ZNF841: variants seen among roughly 807,000 people sequenced by gnomAD.
The protein encoded by ZNF841 is TCONS_00006091.
In ZNF841, 11 loss-of-function variants were observed where a neutral mutation model predicts 13.0. The ratio of observed to expected loss-of-function variants is 0.85; its 90% CI spans 0.53 to 1.40. The LOEUF (loss-of-function observed/expected upper bound fraction) is 1.40. ZNF841 is among the 40% of genes most tolerant of loss of function. The pLI, the probability that ZNF841 is intolerant of heterozygous loss-of-function variation, is 0.00. For missense variants in ZNF841, 1,068 were observed against 1,139.5 expected (o/e 0.94, Z 0.90); for synonymous variants, 369 against 381.6 (o/e 0.97, Z 0.38).
In ZNF841 at chr19:52,066,830, C is replaced by T; in HGVS notation, c.1052G>A (p.Gly351Asp). ...GTGGGAACTTTTACTAAAGGACTTG[C>T]CACATTCATTACATATGTAGGGTTT... Reference protein sequence around the residue: ...GDKPYICNECGKSFSKSSHLA... With the variant: ...GDKPYICNECDKSFSKSSHLA... The change falls in exon 7 of 7, where the codon GGC becomes GAC. Residue 351 changes from glycine to aspartate, a missense_variant. By Grantham distance (94) the Gly-to-Asp change is moderately conservative (BLOSUM62 -1). Coordinates refer to ENST00000594440, the MANE Select transcript of ZNF841 (RefSeq NM_001136499.2). The T allele has an allele frequency of 1.2e-6, 2 of 1,614,116 alleles. No individual in the cohort carries two copies. The highest frequency in any genetic ancestry group is 2.2e-5 in the South Asian group (2 of 91,070).
At chr19:52,085,878 T>C (rs1014311010) in intron 3 of ZNF841, among the ~76,000 whole-genome samples, 2 of 152,240 alleles carry the variant, frequency 1.3e-5, no homozygotes, top group Admixed American at 6.5e-5. Flanking sequence ...CCTCACCCTT[T>C]TTAAGTAAAC....
chr19:52,095,764 G>A lies in ZNF841; in HGVS notation c.-459C>T. 1 of 152,666 alleles carries A rather than the reference G, an allele frequency of 6.6e-6. No individual in the cohort carries two copies. Among genetic ancestry groups the A allele is most frequent in the Non-Finnish European group, 1.5e-5 (1 of 68,310 alleles). The allele number at this position is 152,666 out of a possible 1,614,324, so 9.5% of individuals were successfully genotyped here. On this transcript the variant is annotated 5_prime_UTR_variant, in exon 1 of 7. Coordinates refer to ENST00000594440, the MANE Select transcript of ZNF841 (RefSeq NM_001136499.2). ...TCCCCAGCGCGATCTGCTTCCGGGT[G>A]TGCAGGAAACTGGGCGCGGAAAGAA...
chr19:52,090,833 G>A (rs1284224064), intron 2 of ZNF841, among the ~76,000 whole-genome samples: 1 of 152,072 alleles, frequency 6.6e-6, no homozygotes, highest in African/African-American at 2.4e-5. Flanking sequence ...TGCAGGATGT[G>A]GGCAAACTCA....
chr19:52,086,404 C>T (rs886711797), intron 3 of ZNF841, among the ~76,000 whole-genome samples: 17 of 152,118 alleles, frequency 1.1e-4, no homozygotes, highest in East Asian at 3.9e-4. Flanking sequence ...CTCCTGCTCC[C>T]GCCATGTGAG....
At chr19:52,092,093 G>C (rs1033708715) in intron 2 of ZNF841, among the ~76,000 whole-genome samples, 8 of 142,974 alleles carry the variant, frequency 5.6e-5, no homozygotes, top group African/African-American at 2.0e-4. Context: ...AGTGAACTGA[G>C]ATTGAGCCAC....
intron 2 of ZNF841, among the ~76,000 whole-genome samples, chr19:52,091,233 G>A (rs74723134): frequency 0.02 from 3,072 of 152,210 alleles, 92 homozygotes; most frequent in African/African-American, 0.07. Context: ...TTCATAGATT[G>A]TAAGAATATT....
intron 6 of ZNF841, among the ~76,000 whole-genome samples, chr19:52,069,510 C>G (rs1179399098): frequency 6.6e-6 from 1 of 152,256 alleles, no homozygotes; most frequent in African/African-American, 2.4e-5. Context: ...CTTACAGATA[C>G]AATGTAGACT....
intron 6 of ZNF841, among the ~76,000 whole-genome samples, chr19:52,075,817 T>C (rs922887897): frequency 6.6e-6 from 1 of 152,148 alleles, no homozygotes; most frequent in African/African-American, 2.4e-5. Flanking sequence ...GACACTGTGG[T>C]CCATCATAAC....
intron 6 of ZNF841, among the ~76,000 whole-genome samples, chr19:52,068,931 C>A (rs1568537755): frequency 6.6e-6 from 1 of 152,148 alleles, no homozygotes; most frequent in Non-Finnish European, 1.5e-5. Context: ...AAGATCACGA[C>A]ACTGCACTTC....
chr19:52,094,983 C>T (rs933844737), intron 1 of ZNF841, among the ~76,000 whole-genome samples: 1 of 152,166 alleles, frequency 6.6e-6, no homozygotes, highest in Non-Finnish European at 1.5e-5. Flanking sequence ...GGGTCTCCCT[C>T]ATTCTTTTCT....
downstream of ZNF841, among the ~76,000 whole-genome samples, chr19:52,062,496 G>C (rs1407067503): frequency 6.6e-6 from 1 of 152,056 alleles, no homozygotes; most frequent in Admixed American, 6.6e-5. Context: ...ACAGTACAGT[G>C]ACCTTAATCT....
rs1037189156 is a variant in ZNF841, at chr19:52,095,693, C to T, written c.-388G>A. ...ATCAAGGTAGACGAAGAGAAGCAAA[C>T]GTTTAATCCAGGTAGACTGAAACAC... On this transcript the variant is annotated 5_prime_UTR_variant, in exon 1 of 7. Transcript: ENST00000594440. The T allele has an allele frequency of 6.6e-6, 1 of 152,256 alleles. No homozygotes were observed. Among genetic ancestry groups the T allele is most frequent in the South Asian group, 2.1e-4 (1 of 4,826 alleles). 9.4% of individuals were successfully genotyped at this position (152,256 alleles called of 1,614,324 possible). A position where few individuals can be genotyped will look rare whatever the true frequency, so the allele number is the denominator to read the frequency against.
intron 6 of ZNF841, among the ~76,000 whole-genome samples, chr19:52,072,462 G>T (rs971090257): frequency 6.6e-6 from 1 of 152,082 alleles, no homozygotes; most frequent in Non-Finnish European, 1.5e-5. Flanking sequence ...GACTAAAATC[G>T]TAAAGCATAA....
At chr19:52,061,604 T>C (rs1346401118), downstream of ZNF841, among the ~76,000 whole-genome samples, 2 of 152,102 alleles carry the variant, frequency 1.3e-5, no homozygotes, top group Non-Finnish European at 2.9e-5. Context: ...TGGAGTGCAA[T>C]GGCTTGATCT....
At chr19:52,083,425 TA>T (rs57008818) in intron 4 of ZNF841, among the ~76,000 whole-genome samples, 22,995 of 139,372 alleles carry the variant, frequency 0.16, 1,963 homozygotes, top group South Asian at 0.31. Flanking sequence ...TCCCACTCTT[TA>T]AAAAAAAAAA....
chr19:52,063,854 A>G (rs978347470), downstream of ZNF841, among the ~76,000 whole-genome samples: 6 of 152,290 alleles, frequency 3.9e-5, no homozygotes, highest in African/African-American at 4.8e-5. Context: ...TTTCTTTCCA[A>G]TATAAACTCT....
Position 52,093,835 on chromosome 19 carries a change from C to T in ZNF841, c.-144+11G>A, listed in dbSNP as rs1380297412. On this transcript the variant is annotated intron_variant, in intron 2 of 6. Transcript: ENST00000594440. ...AAAAACAAGACTTTCAATGCTTCTGCGAAGACATACCTTGTAGGCCTAGTG... is the reference window on the plus strand; with the variant it reads ...AAAAACAAGACTTTCAATGCTTCTGTGAAGACATACCTTGTAGGCCTAGTG... 1 of 152,178 alleles carries T rather than the reference C, an allele frequency of 6.6e-6. No individual in the cohort carries two copies. Among genetic ancestry groups the T allele is most frequent in the Non-Finnish European group, 1.5e-5 (1 of 68,030 alleles). The allele number at this position is 152,178 out of a possible 1,614,324, so 9.4% of individuals were successfully genotyped here.
chr19:52,079,537 G>A lies in ZNF841; in HGVS notation c.16-2453C>T, dbSNP rs535225396. ...CTCTAAATTAAGTAAGAGAAAAGGG[G>A]GTTTTTCATTTCCTCTAAATTAAGA... On this transcript the variant is annotated intron_variant, in intron 4 of 6. Transcript: ENST00000594440. 4.0e-5 allele frequency among the ~76,000 whole-genome samples: 6 copies of A among 151,454 alleles called. No homozygotes were observed. In the East Asian group the frequency reaches 7.7e-4, roughly 20 times the overall value.
chr19:52,065,506 A>C lies in ZNF841; in HGVS notation c.2376T>G (p.Pro792=). ...CTTTGCCACACTCATTACATTTGTA[A>C]GGTTTCTCTCCAGTATGAATACTCC... ...RHWSIHTGEK[P]YKCNECGKAF... The change falls in exon 7 of 7, where the codon CCT becomes CCG. Residue 792 remains proline, a synonymous_variant. Transcript: ENST00000594440. The C allele has an allele frequency of 2.5e-6, 4 of 1,614,080 alleles. No homozygotes were observed. In the South Asian group the frequency reaches 4.4e-5, roughly 18 times the overall value.
Sources: allele counts gnomAD v4.1 joint callset (sites outside exome capture counted in the v4.1 genomes callset), GRCh38; gene constraint gnomAD v4.1.1; transcripts MANE v1.5; gene names NCBI Gene and HGNC (gene_info 2026-07-23, HGNC 2026-07-21).